KANK1: variants seen among roughly 807,000 people sequenced by gnomAD.
KANK1 encodes KN motif and ankyrin repeat domain-containing protein 1.
Under a neutral mutation model 106.2 loss-of-function variants are expected in KANK1, and 109 were observed. That is an observed-to-expected ratio of 1.03 (90% confidence interval 0.88 to 1.20). KANK1 has a LOEUF of 1.20. Among genes scored for constraint, KANK1 ranks in the 50% most tolerant of loss-of-function variants. The probability of loss-of-function intolerance (pLI) is 0.00; values close to 1 mark genes in which losing one functional copy is unlikely to be tolerated. For missense variants in KANK1, 2,399 were observed against 1,710.7 expected (o/e 1.40, Z -7.10); for synonymous variants, 873 against 652.2 (o/e 1.34, Z -5.16).
chr9:509,319 A>C (rs2058925201), intron 1 of KANK1, among the ~76,000 whole-genome samples: 2 of 152,258 alleles, frequency 1.3e-5, no homozygotes, highest in East Asian at 3.9e-4. Flanking sequence ...GATGGTCTCC[A>C]TCTCCTGACC....
chr9:600,495 GT>G (rs1827469487), intron 1 of KANK1, among the ~76,000 whole-genome samples: 1 of 151,818 alleles, frequency 6.6e-6, no homozygotes, highest in East Asian at 1.9e-4. Context: ...GGTAACATAC[GT>G]AATAATCTAA....
At chr9:524,732 G>T (rs2059705568) in intron 1 of KANK1, among the ~76,000 whole-genome samples, 1 of 151,544 alleles carries the variant, frequency 6.6e-6, no homozygotes, top group Admixed American at 6.6e-5. Flanking sequence ...TGGCCAGCTG[G>T]TCTCAAACTC....
chr9:503,643 C>T (rs1201065077), upstream of KANK1, among the ~76,000 whole-genome samples: 1 of 152,184 alleles, frequency 6.6e-6, no homozygotes, highest in Non-Finnish European at 1.5e-5. Context: ...GGAGGACTCT[C>T]TCCCTTAAGA....
intron 4 of KANK1, chr9:730,615 C>T (rs1831969877): frequency 3.4e-6 from 1 of 297,616 alleles, no homozygotes; most frequent in African/African-American, 2.2e-5. Context: ...ATCACTTGAA[C>T]CTGGGAGGTG....
intron 1 of KANK1, among the ~76,000 whole-genome samples, chr9:576,881 C>T (rs1820703857): frequency 6.6e-6 from 1 of 152,036 alleles, no homozygotes; most frequent in Non-Finnish European, 1.5e-5. Flanking sequence ...GGAATTGGTT[C>T]CTTCAGGTGG....
At position 559,559 on chromosome 9, in the gene KANK1, A is replaced by G. The variant is rs551124290; in HGVS notation, c.-84+54805A>G. Among the ~76,000 whole-genome samples, 12 of 152,328 alleles carry G rather than the reference A, an allele frequency of 7.9e-5. No homozygotes were observed. The South Asian group carries it at 2.3e-3, about 29-fold the overall frequency. On this transcript the variant is annotated intron_variant, in intron 1 of 11. Coordinates refer to ENST00000382297, the MANE Select transcript of KANK1 (RefSeq NM_015158.5). ...GAGGCAATCTGCTTGAAAATGCTGTATAAACCTTAAACCTCTAAATTGTAA... is the reference window on the plus strand; with the variant it reads ...GAGGCAATCTGCTTGAAAATGCTGTGTAAACCTTAAACCTCTAAATTGTAA...
intron 1 of KANK1, among the ~76,000 whole-genome samples, chr9:590,759 T>C (rs770169077): frequency 1.1e-4 from 17 of 151,796 alleles, no homozygotes; most frequent in Admixed American, 6.5e-5. Context: ...TGTGTAATTA[T>C]TAAAGGTTGA....
At chr9:505,463 A>G (rs115407055) in intron 1 of KANK1, among the ~76,000 whole-genome samples, 2,986 of 152,280 alleles carry the variant, frequency 0.02, 77 homozygotes, top group African/African-American at 0.067. Context: ...GGGGCCCTGA[A>G]GCGGGCTGGT....
At chr9:736,708 A>G (rs1833894867) in intron 7 of KANK1, among the ~76,000 whole-genome samples, 1 of 152,150 alleles carries the variant, frequency 6.6e-6, no homozygotes, top group African/African-American at 2.4e-5. Context: ...AAAAAAAAAA[A>G]AAATTCCTAG....
At chr9:655,208 A>C (rs1050591006) in intron 1 of KANK1, among the ~76,000 whole-genome samples, 3 of 152,072 alleles carry the variant, frequency 2.0e-5, no homozygotes, top group Admixed American at 6.5e-5. Context: ...CGTCTCTACT[A>C]AAAATACAAG....
chr9:662,848 G>C (rs1279808277), intron 1 of KANK1, among the ~76,000 whole-genome samples: 1 of 152,080 alleles, frequency 6.6e-6, no homozygotes, highest in Non-Finnish European at 1.5e-5. Context: ...TTTTAGTAGA[G>C]ATGGGGTTTC....
intron 8 of KANK1, among the ~76,000 whole-genome samples, 182 bp from the exon 9 acceptor site, chr9:740,610 A>G (rs967490381): frequency 3.3e-5 from 5 of 152,168 alleles, no homozygotes; most frequent in Non-Finnish European, 5.9e-5. Context: ...ATAGGGGGAA[A>G]AAAAGTTTTT....
chr9:557,527 T>C (rs78107842), intron 1 of KANK1, among the ~76,000 whole-genome samples: 7,049 of 152,288 alleles, frequency 0.046, 167 homozygotes, highest in Non-Finnish European at 0.055. Context: ...GTCCATATCA[T>C]CCTGGAGTTT....
intron 1 of KANK1, among the ~76,000 whole-genome samples, chr9:604,090 C>T (rs1018712648): frequency 1.3e-5 from 2 of 151,430 alleles, no homozygotes; most frequent in African/African-American, 2.4e-5. Flanking sequence ...GTTGGGGTAC[C>T]AGTTCATAAT....
At chr9:545,336 T>C (rs1266486547) in intron 1 of KANK1, among the ~76,000 whole-genome samples, 2 of 152,050 alleles carry the variant, frequency 1.3e-5, no homozygotes, top group Non-Finnish European at 2.9e-5. Flanking sequence ...CTACAGATCA[T>C]TGAAGGGGAA....
At chr9:631,334 CT>C (rs1344391660) in intron 1 of KANK1, among the ~76,000 whole-genome samples, 23 of 152,304 alleles carry the variant, frequency 1.5e-4, no homozygotes, top group Middle Eastern at 3.4e-3. Flanking sequence ...GGGGCTCCCC[CT>C]GGGCAGCCTT....
chr9:685,074 T>A (rs2139218381), intron 2 of KANK1, among the ~76,000 whole-genome samples: 1 of 152,342 alleles, frequency 6.6e-6, no homozygotes, highest in East Asian at 1.9e-4. Flanking sequence ...CTGTTGGATA[T>A]TTTTGGAGTG....
chr9:608,656 G>T (rs1829878986), intron 1 of KANK1, among the ~76,000 whole-genome samples: 1 of 149,236 alleles, frequency 6.7e-6, no homozygotes, highest in South Asian at 2.1e-4. Flanking sequence ...TGGTCAGTCT[G>T]TCTTTCATCA....
intron 8 of KANK1, among the ~76,000 whole-genome samples, chr9:739,855 C>T (rs549941117): frequency 8.0e-5 from 12 of 150,600 alleles, no homozygotes; most frequent in African/African-American, 3.0e-4. Flanking sequence ...AGAGCAGAGT[C>T]CGCAAAGTCC....
Sources: gnomAD v4.1 joint callset for allele counts (sites outside exome capture counted in the v4.1 genomes callset) on GRCh38, gnomAD v4.1.1 for gene constraint, MANE v1.5 for transcripts, NCBI Gene and HGNC (gene_info 2026-07-23, HGNC 2026-07-21) for gene names.